Variants in ABCC9 observed in about 807,000 individuals in gnomAD.
ABCC9 encodes the protein ATP-binding cassette sub-family C member 9.
A neutral mutation model predicts 188.3 loss-of-function variants in ABCC9; 95 were observed. That is an observed-to-expected ratio of 0.50 (90% confidence interval 0.43 to 0.60). ABCC9 has a LOEUF of 0.60. ABCC9 is among the 20% of genes least tolerant of loss of function. The pLI, the probability that ABCC9 is intolerant of heterozygous loss-of-function variation, is 0.00. For missense variants in ABCC9, 1,102 were observed against 1,876.3 expected (o/e 0.59, Z 7.62); for synonymous variants, 659 against 652.7 (o/e 1.01, Z -0.15).
chr12:21,934,021 G>T (rs748914616), intron 3 of ABCC9, 98 bp from the exon 4 acceptor site: 11 of 1,305,742 alleles, frequency 8.4e-6, no homozygotes, highest in South Asian at 2.5e-5. Context: ...AGGCAGGGGT[G>T]GGGGGGTCCT....
intron 14 of ABCC9, among the ~76,000 whole-genome samples, chr12:21,890,457 T>C (rs1474461720): frequency 1.3e-5 from 2 of 152,198 alleles, no homozygotes; most frequent in Non-Finnish European, 2.9e-5. Flanking sequence ...CCTGTGAATA[T>C]ACTGCTCCTG....
Position 21,906,301 on chromosome 12 carries a change from G to A in ABCC9, c.1456-13C>T, listed in dbSNP as rs1948044168. Reference sequence around the variant, plus strand: ...CAGTGGAATAATCCTATAAAACAAAGGAAGAAAAATAATACCAGCTGCATC... The same window carrying A: ...CAGTGGAATAATCCTATAAAACAAAAGAAGAAAAATAATACCAGCTGCATC... On this transcript the variant is annotated splice_polypyrimidine_tract_variant and intron_variant, in intron 11 of 39. Coordinates refer to ENST00000261200, the MANE Select transcript of ABCC9 (RefSeq NM_020297.4). The A allele has an allele frequency of 6.2e-7, 1 of 1,600,232 alleles. No individual in the cohort carries two copies. The highest frequency in any genetic ancestry group is 8.5e-7 in the Non-Finnish European group (1 of 1,171,960).
rs139395069 is a variant in ABCC9 at position 21,811,094 on chromosome 12, T to TG, written c.4211+954dup. On this transcript the variant is annotated intron_variant, in intron 36 of 39. Transcript: ENST00000261200. ...ACCTGGTGGGAGCTGATTAGATCAC[T>TG]GGGGCAGTTTCCCCCATGCTGTTCT... 4.2e-4 allele frequency among the ~76,000 whole-genome samples: 64 copies of TG among 152,276 alleles called. No individual in the cohort carries two copies. The East Asian group carries it at 0.012, about 29-fold the overall frequency.
At chr12:21,837,872 C>T (rs1340481207) in intron 30 of ABCC9, among the ~76,000 whole-genome samples, 2 of 152,152 alleles carry the variant, frequency 1.3e-5, no homozygotes, top group African/African-American at 2.4e-5. Context: ...TCTGTTGCTT[C>T]ATCCTTTATT....
At chr12:21,884,279 G>A (rs373945043) in intron 15 of ABCC9, among the ~76,000 whole-genome samples, 2 of 151,978 alleles carry the variant, frequency 1.3e-5, no homozygotes, top group African/African-American at 2.4e-5. Context: ...TGCCTATGTT[G>A]CCCAGGTGGT....
rs187903997 is a variant in ABCC9, at chr12:21,807,558, A to G, written c.4316-79T>C. The G allele has an allele frequency of 1.9e-6, 3 of 1,583,844 alleles. No homozygotes were observed. In the Admixed American group the frequency reaches 5.0e-5, roughly 27 times the overall value. ...CCTTGGACAAAATCATGAAAAACACATTATGTTGTATGACAGCATGATGGA... is the reference window on the plus strand; with the variant it reads ...CCTTGGACAAAATCATGAAAAACACGTTATGTTGTATGACAGCATGATGGA... On this transcript the variant is annotated intron_variant, in intron 37 of 39. Coordinates refer to ENST00000261200, the MANE Select transcript of ABCC9 (RefSeq NM_020297.4).
rs76684901 is a variant in ABCC9 at position 21,938,190 on chromosome 12, G to T, written c.-20-1496C>A. The T allele has an allele frequency of 3.3e-5, 5 of 152,306 alleles. No homozygotes were observed. The East Asian group carries it at 9.6e-4, about 29-fold the overall frequency. The allele number at this position is 152,306 out of a possible 1,614,324, so 9.4% of individuals were successfully genotyped here. On this transcript the variant is annotated intron_variant, in intron 2 of 39. Transcript: ENST00000261200. ...GCATTATATGAATGCCTCAGCTAAAGAGTCTGTGTATTTACAATCTTAGAT... is the reference window on the plus strand; with the variant it reads ...GCATTATATGAATGCCTCAGCTAAATAGTCTGTGTATTTACAATCTTAGAT...
At chr12:21,849,718 T>G (rs1320074576) in intron 24 of ABCC9, among the ~76,000 whole-genome samples, 1 of 152,202 alleles carries the variant, frequency 6.6e-6, no homozygotes, top group East Asian at 1.9e-4. Context: ...ATGCTTGGAC[T>G]AAGTAAATAA....
intron 12 of ABCC9, among the ~76,000 whole-genome samples, chr12:21,897,958 G>A (rs1013162684): frequency 1.3e-5 from 2 of 152,082 alleles, no homozygotes; most frequent in Non-Finnish European, 2.9e-5. Flanking sequence ...AGAAGTTCAG[G>A]TTACCTAAGT....
chr12:21,857,384 G>A (rs1005441025), intron 22 of ABCC9, among the ~76,000 whole-genome samples: 5 of 152,270 alleles, frequency 3.3e-5, no homozygotes, highest in African/African-American at 1.2e-4. Context: ...ATATTTTGCT[G>A]CAGAAGTAGA....
chr12:21,827,408 G>C (rs563100522), intron 31 of ABCC9: 8 of 673,796 alleles, frequency 1.2e-5, no homozygotes, highest in East Asian at 1.4e-4. Context: ...TCAAGTTCAG[G>C]AAAACCAGAT....
intron 31 of ABCC9, among the ~76,000 whole-genome samples, chr12:21,820,025 A>T (rs1280345737): frequency 6.6e-6 from 1 of 152,182 alleles, no homozygotes; most frequent in Non-Finnish European, 1.5e-5. Flanking sequence ...GTTCTTCTGC[A>T]GTTTATACAT....
At position 21,797,810 on chromosome 12, in the gene ABCC9, C is replaced by T. The variant is rs1227336590; in HGVS notation, c.*3234G>A. 1 of 151,996 alleles carries T rather than the reference C, an allele frequency of 6.6e-6. No individual in the cohort carries two copies. Among genetic ancestry groups the T allele is most frequent in the Non-Finnish European group, 1.5e-5 (1 of 68,020 alleles). 9.4% of individuals were successfully genotyped at this position (151,996 alleles called of 1,614,324 possible). ...TTCCCTGTCAATGACATAAGTAACC[C>T]TGGTATTTTAATATAATGCTTTATG... is the stretch of plus-strand genomic sequence containing the variant. On this transcript the variant is annotated 3_prime_UTR_variant, in exon 40 of 40. Transcript: ENST00000261200.
intron 13 of ABCC9, 113 bp from the exon 14 acceptor site, chr12:21,894,287 T>A: frequency 8.2e-7 from 1 of 1,225,706 alleles, no homozygotes; most frequent in Admixed American, 1.8e-5. Context: ...ATTGTAACTA[T>A]GATAACAATG....
intron 16 of ABCC9, among the ~76,000 whole-genome samples, chr12:21,882,087 G>T (rs192218528): frequency 6.6e-6 from 1 of 152,082 alleles, no homozygotes; most frequent in Non-Finnish European, 1.5e-5. Flanking sequence ...GAGCCTCCCC[G>T]TCTCTGTGAC....
At chr12:21,930,474 A>G (rs539722147) in intron 4 of ABCC9, among the ~76,000 whole-genome samples, 1 of 152,204 alleles carries the variant, frequency 6.6e-6, no homozygotes, top group Non-Finnish European at 1.5e-5. Flanking sequence ...AATGATTGGC[A>G]TACCTGGGGA....
At chr12:21,824,116 A>G (rs1943216550) in intron 31 of ABCC9, among the ~76,000 whole-genome samples, 1 of 152,220 alleles carries the variant, frequency 6.6e-6, no homozygotes, top group Non-Finnish European at 1.5e-5. Flanking sequence ...AAGAAAAGAA[A>G]GCGCTGTATT....
At chr12:21,881,553 A>C (rs1946617583) in intron 16 of ABCC9, among the ~76,000 whole-genome samples, 1 of 152,182 alleles carries the variant, frequency 6.6e-6, no homozygotes, top group Non-Finnish European at 1.5e-5. Flanking sequence ...GTCAATTAAA[A>C]ACTGGCCCTG....
chr12:21,815,600 C>A (rs1232439189), intron 34 of ABCC9, among the ~76,000 whole-genome samples, 163 bp downstream of exon 34: 1 of 152,122 alleles, frequency 6.6e-6, no homozygotes, highest in African/African-American at 2.4e-5. Flanking sequence ...GTACTGTAGT[C>A]TGATCCTATC....
Sources: gnomAD v4.1 joint callset for allele counts (sites outside exome capture counted in the v4.1 genomes callset) on GRCh38, gnomAD v4.1.1 for gene constraint, MANE v1.5 for transcripts, NCBI Gene and HGNC (gene_info 2026-07-23, HGNC 2026-07-21) for gene names.